Variants in PTPRM observed in about 807,000 individuals in gnomAD.
PTPRM encodes protein tyrosine phosphatase receptor type M.
Under a neutral mutation model 186.7 loss-of-function variants are expected in PTPRM, and 47 were observed. The ratio of observed to expected loss-of-function variants is 0.25; its 90% CI spans 0.20 to 0.32. The LOEUF is 0.32. PTPRM is among the 10% of genes least tolerant of loss of function. PTPRM has a pLI of 1.00. For missense variants in PTPRM, 1,494 were observed against 1,865.0 expected, an observed-to-expected ratio of 0.80 and a Z score of 3.66; for synonymous variants, 668 against 674.9, an observed-to-expected ratio of 0.99 and a Z score of 0.16.
At chr18:7,666,378 C>G (rs1440389872) in intron 1 of PTPRM, among the ~76,000 whole-genome samples, 1 of 152,188 alleles carries the variant, frequency 6.6e-6, no homozygotes, top group East Asian at 1.9e-4. Context: ...CACTCCTGTC[C>G]ATGTTACTCC....
In PTPRM at chr18:8,376,181, C is replaced by G; in HGVS notation, c.3307C>G (p.Pro1103Ala). ...VKSKSPPSAGPLVVHCSAGAG... is the reference protein window; with the variant it reads ...VKSKSPPSAGALVVHCSAGAG... ...GTCCAAGAGCCCGCCCAGTGCAGGC[C>G]CACTGGTGGTGCACTGCAGGTAAGC... Residue 1103 changes from proline to alanine, a missense_variant, in exon 25 of 33, where the codon CCA becomes GCA. Around this residue, in one of 3 missense-constraint regions of PTPRM, gnomAD observed 1,107 missense variants for 1,350.2 expected, o/e 0.82. Coordinates refer to ENST00000580170, the MANE Select transcript of PTPRM (RefSeq NM_001105244.2). 2 of 1,612,620 alleles carry G rather than the reference C, an allele frequency of 1.2e-6. No homozygotes were observed. Among genetic ancestry groups the G allele is most frequent in the Non-Finnish European group, 1.7e-6 (2 of 1,179,514 alleles).
intron 1 of PTPRM, among the ~76,000 whole-genome samples, chr18:7,659,168 C>G (rs561035359): frequency 3.3e-5 from 5 of 150,102 alleles, no homozygotes; most frequent in African/African-American, 1.2e-4. Context: ...TCTCCCTTCT[C>G]TGCTTTATTT....
At chr18:8,199,339 G>A (rs8092461) in intron 14 of PTPRM, among the ~76,000 whole-genome samples, 89,977 of 151,938 alleles carry the variant, frequency 0.59, 27,693 homozygotes, top group East Asian at 0.84. Flanking sequence ...GCACTGTGAC[G>A]CAGAGCCTGC....
chr18:8,120,930 G>A (rs2092148883), intron 13 of PTPRM, among the ~76,000 whole-genome samples: 1 of 152,196 alleles, frequency 6.6e-6, no homozygotes, highest in South Asian at 2.1e-4. Context: ...AATGTTATGT[G>A]TATAAAACTT....
chr18:7,637,429 G>A (rs2038343764), intron 1 of PTPRM, among the ~76,000 whole-genome samples: 1 of 152,132 alleles, frequency 6.6e-6, no homozygotes, highest in Admixed American at 6.6e-5. Flanking sequence ...AGCGTCCACA[G>A]TAGAAAAGGT....
chr18:8,220,047 T>C (rs1254127390), intron 14 of PTPRM, among the ~76,000 whole-genome samples: 6 of 152,190 alleles, frequency 3.9e-5, no homozygotes, highest in Admixed American at 6.5e-5. Flanking sequence ...TTAAGATTTT[T>C]CTGAGTTCCT....
At chr18:7,981,494 G>A (rs1273533795) in intron 7 of PTPRM, among the ~76,000 whole-genome samples, 1 of 152,068 alleles carries the variant, frequency 6.6e-6, no homozygotes, top group African/African-American at 2.4e-5. Flanking sequence ...AAAGTGTGAG[G>A]CAGTCTCCCC....
At chr18:8,052,908 A>T (rs2087615116) in intron 7 of PTPRM, among the ~76,000 whole-genome samples, 1 of 152,144 alleles carries the variant, frequency 6.6e-6, no homozygotes, top group South Asian at 2.1e-4. Flanking sequence ...CTTTGACTCT[A>T]ATGTGCATTT....
At chr18:7,652,996 T>C (rs545109504) in intron 1 of PTPRM, among the ~76,000 whole-genome samples, 2 of 151,744 alleles carry the variant, frequency 1.3e-5, no homozygotes, top group African/African-American at 4.8e-5. Context: ...AGTTAAAAAA[T>C]AGGCAAAAGA....
chr18:8,009,679 G>A (rs1447709776), intron 7 of PTPRM, among the ~76,000 whole-genome samples: 3 of 152,142 alleles, frequency 2.0e-5, no homozygotes, highest in Non-Finnish European at 4.4e-5. Context: ...CTGCACTCCA[G>A]CCTGGGGGAC....
chr18:7,960,125 T>G (rs1173503963), intron 7 of PTPRM, among the ~76,000 whole-genome samples: 1 of 152,162 alleles, frequency 6.6e-6, no homozygotes, highest in Non-Finnish European at 1.5e-5. Context: ...TTTTATGTAT[T>G]CTGGTTATTG....
At chr18:7,711,652 G>A (rs1284932381) in intron 1 of PTPRM, among the ~76,000 whole-genome samples, 1 of 152,164 alleles carries the variant, frequency 6.6e-6, no homozygotes, top group East Asian at 1.9e-4. Context: ...GGGGGGAGTG[G>A]CATCTGCCAT....
At chr18:7,760,566 A>G (rs906131203) in intron 1 of PTPRM, among the ~76,000 whole-genome samples, 2 of 152,190 alleles carry the variant, frequency 1.3e-5, no homozygotes, top group Non-Finnish European at 2.9e-5. Context: ...CCAAGTCATC[A>G]TGCTTTTTTT....
intron 5 of PTPRM, among the ~76,000 whole-genome samples, chr18:7,934,152 A>G (rs1389962383): frequency 2.6e-5 from 4 of 152,218 alleles, no homozygotes; most frequent in African/African-American, 9.6e-5. Flanking sequence ...AGTTTGCACA[A>G]TGGCAACACC....
chr18:8,009,117 G>C (rs191557713), intron 7 of PTPRM, among the ~76,000 whole-genome samples: 11 of 152,218 alleles, frequency 7.2e-5, no homozygotes, highest in Admixed American at 7.2e-4. Flanking sequence ...AGAGAGCAAG[G>C]ACATTTCAAA....
At chr18:8,282,689 A>G (rs895486564) in intron 19 of PTPRM, among the ~76,000 whole-genome samples, 3 of 152,134 alleles carry the variant, frequency 2.0e-5, no homozygotes, top group South Asian at 2.1e-4. Flanking sequence ...AATAACAACA[A>G]CAACAGATTT....
chr18:7,736,903 A>G (rs1190845750), intron 1 of PTPRM, among the ~76,000 whole-genome samples: 2 of 152,100 alleles, frequency 1.3e-5, no homozygotes, highest in African/African-American at 4.8e-5. Context: ...GTATAAAACA[A>G]TATAAAATAA....
At chr18:8,093,848 A>G (rs143778708) in intron 11 of PTPRM, among the ~76,000 whole-genome samples, 12 of 152,374 alleles carry the variant, frequency 7.9e-5, no homozygotes, top group South Asian at 4.1e-4. Flanking sequence ...TGCCATGGGT[A>G]TGAAGAACCA....
rs1021132493 is a variant in PTPRM at position 7,743,577 on chromosome 18, T to C, written c.74-30572T>C. Among the ~76,000 whole-genome samples, 4 of 152,218 alleles carry C rather than the reference T, an allele frequency of 2.6e-5. 1 individual carries two copies. The South Asian group carries it at 8.3e-4, about 31-fold the overall frequency. ...GAGCTGCTAAAACCTGGTATTTTAA[T>C]AAATTAGACATATGGAACTCCTGCT... On this transcript the variant is annotated intron_variant, in intron 1 of 32. Transcript: ENST00000580170.
Sources: gnomAD v4.1 joint callset for allele counts (sites outside exome capture counted in the v4.1 genomes callset) on GRCh38, gnomAD v4.1.1 for gene constraint, gnomAD v4.1.1 regional missense constraint, MANE v1.5 for transcripts, NCBI Gene and HGNC (gene_info 2026-07-23, HGNC 2026-07-21) for gene names.